Variants in CDH17 observed in about 807,000 individuals in gnomAD.
CDH17 encodes cadherin 17, also known as cadherin-17.
In CDH17, 67 loss-of-function variants were observed where a neutral mutation model predicts 86.3. The observed-to-expected ratio is 0.78, with a 90% CI of 0.64 to 0.95. The LOEUF (loss-of-function observed/expected upper bound fraction) is 0.95. CDH17 is among the 40% of genes least tolerant of loss of function. The pLI, the probability that CDH17 is intolerant of heterozygous loss-of-function variation, is 0.00. For missense variants in CDH17, 993 were observed against 1,017.6 expected (o/e 0.98, Z 0.33); for synonymous variants, 367 against 366.4 (o/e 1.00, Z -0.02).
At chr8:94,209,247 CCCCCAG>C (rs1257997160), upstream of CDH17, among the ~76,000 whole-genome samples, 1 of 152,160 alleles carries the variant, frequency 6.6e-6, no homozygotes, top group Non-Finnish European at 1.5e-5. Context: ...AAAGCCAATG[CCCCCAG>C]ATTTCTCAAG....
rs534110861 is a variant in CDH17 at position 94,130,908 on chromosome 8, C to T, written c.2252G>A (p.Arg751Gln). The T allele has an allele frequency of 1.2e-5, 19 of 1,609,834 alleles. No individual in the cohort carries two copies. In the South Asian group the frequency reaches 1.5e-4, roughly 13 times the overall value. The change falls in exon 16 of 18, where the codon CGG (arginine) becomes CAG (glutamine). Residue 751 changes from arginine to glutamine, a missense_variant. Arg to Gln is a conservative substitution (Grantham distance 43). Transcript: ENST00000027335. The stretch of plus-strand genomic sequence containing the variant: ...AGAAACAATGCCTTCCAAGGGTGGC[C>T]GACCCCCATCATTGATGCGGATCAA... Reference protein sequence around the residue: ...VVLIRINDGGRPPLEGIVSLP... With the variant: ...VVLIRINDGGQPPLEGIVSLP...
intron 1 of CDH17, among the ~76,000 whole-genome samples, chr8:94,195,223 G>A (rs909652613): frequency 1.3e-4 from 20 of 152,076 alleles, no homozygotes; most frequent in Admixed American, 7.9e-4. Flanking sequence ...AGCTAGTTTC[G>A]AATTCCTGAC....
chr8:94,130,663 C>A lies in CDH17; in HGVS notation c.2361G>T (p.Met787Ile). Residue 787 changes from methionine (M) to isoleucine (I), a missense_variant, in exon 17 of 18, where the codon ATG (methionine) becomes ATT (isoleucine). Transcript: ENST00000027335. ...GGGTGGTCAGCAGTATACCAACTGC[C>A]ATGCCCACAGTGGGTATCCCAGTCT... ...GHQTGIPTVG[M>I]AVGILLTTLL... 6.2e-7 allele frequency: 1 copy of A among 1,613,672 alleles called. No individual in the cohort carries two copies. The highest frequency in any genetic ancestry group is 8.5e-7 in the Non-Finnish European group (1 of 1,179,712).
rs1563575988 is a variant in CDH17 at position 94,165,962 on chromosome 8, T to C, written c.1081A>G (p.Thr361Ala). The change falls in exon 10 of 18, where the codon ACC becomes GCC. Residue 361 changes from threonine to alanine, a missense_variant. Coordinates refer to ENST00000027335, the MANE Select transcript of CDH17 (RefSeq NM_004063.4). ...TCATCCCTGTCATGTGCAGTAAGGG[T>C]CCCGATACTGTTACCTATGAGGAAG... ...ENERLGNSIG[T>A]LTAHDRDEEN... The C allele has an allele frequency of 6.2e-7, 1 of 1,610,292 alleles. No homozygotes were observed. The highest frequency in any genetic ancestry group is 8.5e-7 in the Non-Finnish European group (1 of 1,176,718).
At chr8:94,186,777 C>G (rs1027776370) in intron 3 of CDH17, among the ~76,000 whole-genome samples, 6 of 152,206 alleles carry the variant, frequency 3.9e-5, no homozygotes, top group African/African-American at 1.4e-4. Context: ...ACACAGTAAG[C>G]TTCTACAGCA....
intron 13 of CDH17, among the ~76,000 whole-genome samples, chr8:94,149,101 T>C (rs1398656346): frequency 6.6e-6 from 1 of 152,210 alleles, no homozygotes; most frequent in Non-Finnish European, 1.5e-5. Context: ...GCATTTCATC[T>C]GTCTTCAAAA....
intron 1 of CDH17, among the ~76,000 whole-genome samples, chr8:94,199,038 GATAT>G (rs869128612): frequency 0.014 from 998 of 72,662 alleles, 2 homozygotes; most frequent in East Asian, 0.028. Flanking sequence ...AGTTCTGATT[GATAT>G]ATATATATAT....
Position 94,177,671 on chromosome 8 carries a change from G to T in CDH17, c.201C>A (p.Asp67Glu), listed in dbSNP as rs903275892. 1 of 1,613,722 alleles carries T rather than the reference G, an allele frequency of 6.2e-7. No individual in the cohort carries two copies. Among genetic ancestry groups the T allele is most frequent in the Non-Finnish European group, 8.5e-7 (1 of 1,179,728 alleles). The change falls in exon 4 of 18, where the codon GAC becomes GAA. Residue 67 changes from aspartate (D) to glutamate (E), a missense_variant. Asp to Glu is a conservative substitution (Grantham distance 45). Coordinates refer to ENST00000027335, the MANE Select transcript of CDH17 (RefSeq NM_004063.4). Reference protein sequence around the residue: ...AVTFELTGETDNIFVIEREGL... With the variant: ...AVTFELTGETENIFVIEREGL... Reference sequence around the variant, plus strand: ...CCTCCCGTTCTATCACAAATATGTTGTCTGTCTCCCCAGTTAGTTCAAAAG... The same window carrying T: ...CCTCCCGTTCTATCACAAATATGTTTTCTGTCTCCCCAGTTAGTTCAAAAG...
intron 15 of CDH17, among the ~76,000 whole-genome samples, chr8:94,142,458 G>A (rs1026394832): frequency 2.6e-5 from 4 of 152,168 alleles, no homozygotes; most frequent in Admixed American, 2.0e-4. Context: ...CTCAATGTTG[G>A]TGGTTGCTGA....
At chr8:94,147,036 T>G (rs896597269) in intron 14 of CDH17, among the ~76,000 whole-genome samples, 3 of 152,200 alleles carry the variant, frequency 2.0e-5, no homozygotes, top group African/African-American at 7.2e-5. Context: ...TTGTATCTAT[T>G]TATATCATGT....
chr8:94,173,949 T>C lies in CDH17; in HGVS notation c.631A>G (p.Ile211Val), dbSNP rs1347309465. The change falls in exon 7 of 18, where the codon ATC becomes GTC. Residue 211 changes from isoleucine to valine, a missense_variant. Physicochemically the swap from Ile to Val is conservative, Grantham distance 29. Coordinates refer to ENST00000027335, the MANE Select transcript of CDH17 (RefSeq NM_004063.4). The stretch of plus-strand genomic sequence containing the variant: ...TGGCCTCCCATGTCCTTCACTGAGA[T>C]CACCAGATTATAGGAAGGATTCTTA... Reference protein sequence around the residue: ...PAKNPSYNLVISVKDMGGQSE... With the variant: ...PAKNPSYNLVVSVKDMGGQSE... 1 of 1,613,820 alleles carries C rather than the reference T, an allele frequency of 6.2e-7. No individual in the cohort carries two copies. Among genetic ancestry groups the C allele is most frequent in the South Asian group, 1.1e-5 (1 of 91,074 alleles).
chr8:94,168,409 G>A (rs1053407077), intron 9 of CDH17, among the ~76,000 whole-genome samples: 2 of 150,700 alleles, frequency 1.3e-5, no homozygotes, highest in Non-Finnish European at 3.0e-5. Flanking sequence ...AAAGTGCTGG[G>A]TGGGATTACA....
At chr8:94,194,467 C>T (rs1183418059) in intron 2 of CDH17, among the ~76,000 whole-genome samples, 168 bp downstream of exon 2, 1 of 152,142 alleles carries the variant, frequency 6.6e-6, no homozygotes, top group Non-Finnish European at 1.5e-5. Context: ...GCCATTTCAT[C>T]GAAAATATCA....
Position 94,146,050 on chromosome 8 carries a change from G to A in CDH17, c.2045C>T (p.Ala682Val). The change falls in exon 15 of 18, where the codon GCA becomes GTA. Residue 682 changes from alanine (A) to valine (V), a missense_variant. Transcript: ENST00000027335. ...AGCCTCGAAAATGAGACTTCCAGGT[G>A]CACTGAGGGGATGGCAGAAGAACAA... ...TGLFFCHPLS[A>V]PGSLIFEATD... 6.2e-7 allele frequency: 1 copy of A among 1,613,908 alleles called. No homozygotes were observed. Among genetic ancestry groups the A allele is most frequent in the South Asian group, 1.1e-5 (1 of 91,044 alleles).
At chr8:94,179,061 A>AAC (rs779362212) in intron 3 of CDH17, among the ~76,000 whole-genome samples, 4 of 151,640 alleles carry the variant, frequency 2.6e-5, no homozygotes, top group African/African-American at 9.7e-5. Context: ...AAAAAAAAAA[A>AAC]AACTAAGGTT....
chr8:94,216,898 G>A (rs1814203222), intron 1 of CDH17, among the ~76,000 whole-genome samples: 1 of 152,172 alleles, frequency 6.6e-6, no homozygotes, highest in Admixed American at 6.5e-5. Context: ...AAGCCTGGCA[G>A]CAGTCATTCT....
At chr8:94,182,674 A>AG (rs1463630753) in intron 3 of CDH17, among the ~76,000 whole-genome samples, 1 of 152,142 alleles carries the variant, frequency 6.6e-6, no homozygotes, top group Non-Finnish European at 1.5e-5. Flanking sequence ...ATGGTGAAAG[A>AG]CTGAAAGCTT....
chr8:94,211,316 A>G (rs1022942855), upstream of CDH17, among the ~76,000 whole-genome samples: 10 of 151,844 alleles, frequency 6.6e-5, no homozygotes, highest in African/African-American at 1.5e-4. Context: ...TTTTTATTTT[A>G]TTTTATTTAT....
rs1431478670 is a variant in CDH17, at chr8:94,165,942, C to T, written c.1101G>A (p.Arg367=). ...NSIGTLTAHD[R]DEENTANSFL... ...AACTGTTGGCAGTATTTTCTTCATC[C>T]CTGTCATGTGCAGTAAGGGTCCCGA... is the stretch of plus-strand genomic sequence containing the variant. The change falls in exon 10 of 18, where the codon AGG becomes AGA. Residue 367 remains arginine, a synonymous_variant. Transcript: ENST00000027335. 2 of 1,613,746 alleles carry T rather than the reference C, an allele frequency of 1.2e-6. No individual in the cohort carries two copies. Among genetic ancestry groups the T allele is most frequent in the South Asian group, 2.2e-5 (2 of 91,078 alleles).
Sources: allele counts gnomAD v4.1 joint callset (sites outside exome capture counted in the v4.1 genomes callset), GRCh38; gene constraint gnomAD v4.1.1; transcripts MANE v1.5; gene names NCBI Gene and HGNC (gene_info 2026-07-23, HGNC 2026-07-21).